Variants in TRABD2A observed in about 807,000 individuals in gnomAD.
TRABD2A encodes TraB domain containing 2A, also known as metalloprotease TIKI1.
Under a neutral mutation model 45.6 loss-of-function variants are expected in TRABD2A, and 43 were observed. The observed-to-expected ratio is 0.94, with a 90% CI of 0.74 to 1.22. The LOEUF (loss-of-function observed/expected upper bound fraction) is 1.22, where lower values mean the gene tolerates loss of function less well. TRABD2A is among the 50% of genes most tolerant of loss of function. The pLI is 0.00. For missense variants in TRABD2A, 642 were observed against 652.4 expected (o/e 0.98, Z 0.17); for synonymous variants, 269 against 265.0 (o/e 1.02, Z -0.15).
intron 2 of TRABD2A, among the ~76,000 whole-genome samples, chr2:84,864,821 C>T (rs1682622356): frequency 6.6e-6 from 1 of 152,214 alleles, no homozygotes; most frequent in Non-Finnish European, 1.5e-5. Flanking sequence ...TCTCCTTAGG[C>T]CTGGCAGGCC....
intron 2 of TRABD2A, among the ~76,000 whole-genome samples, chr2:84,859,411 T>C (rs1330776085): frequency 6.6e-6 from 1 of 152,168 alleles, no homozygotes; most frequent in Non-Finnish European, 1.5e-5. Flanking sequence ...AGATCCTTGC[T>C]CTCTAGAAGT....
chr2:84,873,233 T>A (rs1230095244), intron 1 of TRABD2A, among the ~76,000 whole-genome samples: 1 of 151,110 alleles, frequency 6.6e-6, no homozygotes, highest in African/African-American at 2.4e-5. Context: ...CTGTCCAACA[T>A]GATGAAACTC....
rs1266663734 is a variant in TRABD2A at position 84,831,923 on chromosome 2, A to G, written c.1082+132T>C. 4 of 850,788 alleles carry G rather than the reference A, an allele frequency of 4.7e-6. No individual in the cohort carries two copies. In the African/African-American group the frequency reaches 5.0e-5, roughly 11 times the overall value. The allele number at this position is 850,788 out of a possible 1,614,324, so 52.7% of individuals were successfully genotyped here. The stretch of plus-strand genomic sequence containing the variant: ...CTGAGCTGGTGCCAAATGTCCATGT[A>G]AGGTCAAGTGTGGGGGAAATGACGA... On this transcript the variant is annotated intron_variant, in intron 5 of 6. Transcript: ENST00000409520.
chr2:84,848,693 A>G (rs1681986976), intron 2 of TRABD2A, among the ~76,000 whole-genome samples: 1 of 151,798 alleles, frequency 6.6e-6, no homozygotes, highest in Non-Finnish European at 1.5e-5. Flanking sequence ...CTTGTGCCTC[A>G]GCCACCCGAG....
chr2:84,878,464 G>T (rs182560609), intron 1 of TRABD2A, among the ~76,000 whole-genome samples: 126 of 151,732 alleles, frequency 8.3e-4, no homozygotes, highest in African/African-American at 3.0e-3. Context: ...GGCAGAGGTT[G>T]CAGTGAGCCA....
intron 3 of TRABD2A, among the ~76,000 whole-genome samples, chr2:84,839,593 G>GCC (rs1488789816): frequency 9.9e-5 from 15 of 151,264 alleles, no homozygotes; most frequent in African/African-American, 3.2e-4. Context: ...TCTGTCTGAT[G>GCC]CCGTGTGTTT....
At chr2:84,843,089 C>G (rs372116085) in intron 2 of TRABD2A, among the ~76,000 whole-genome samples, 1 of 151,576 alleles carries the variant, frequency 6.6e-6, no homozygotes, top group Non-Finnish European at 1.5e-5. Flanking sequence ...CTGGCCACCC[C>G]CTACGAGGCT....
intron 1 of TRABD2A, among the ~76,000 whole-genome samples, chr2:84,876,650 C>A (rs1435014538): frequency 1.3e-5 from 2 of 152,172 alleles, no homozygotes; most frequent in Admixed American, 1.3e-4. Flanking sequence ...AGCTTTTAAA[C>A]GCCATATTTA....
chr2:84,858,575 G>A (rs1401526409), intron 2 of TRABD2A, among the ~76,000 whole-genome samples: 2 of 152,188 alleles, frequency 1.3e-5, no homozygotes, highest in Non-Finnish European at 2.9e-5. Context: ...GACTAAAACT[G>A]GGTTCATGAG....
At chr2:84,822,233 T>C in intron 6 of TRABD2A, 133 bp from the exon 7 acceptor site, 2 of 694,984 alleles carry the variant, frequency 2.9e-6, no homozygotes, top group Non-Finnish European at 4.4e-6. Context: ...AGTATATTAA[T>C]AGGCTTCCTA....
Position 84,872,853 on chromosome 2 carries a change from G to A in TRABD2A, c.109-2068C>T, listed in dbSNP as rs147262238. On this transcript the variant is annotated intron_variant, in intron 1 of 6. Coordinates refer to ENST00000409520, the MANE Select transcript of TRABD2A (RefSeq NM_001277053.2). ...TTATTGGCCAGGCATAGTAGCTCAC[G>A]CCTGTAATTCCAGCACTTCGGGAGG... Among the ~76,000 whole-genome samples, 1,263 of 152,242 alleles carry A rather than the reference G, an allele frequency of 8.3e-3. 14 individuals carry two copies. The highest frequency in any genetic ancestry group is 0.029 in the African/African-American group (1,211 of 41,534).
chr2:84,827,904 GA>G (rs1474890482), intron 5 of TRABD2A, among the ~76,000 whole-genome samples: 1 of 152,206 alleles, frequency 6.6e-6, no homozygotes. Flanking sequence ...AGACCCTCCA[GA>G]AGGGAATGCA....
At chr2:84,823,686 C>G (rs1408585063) in intron 6 of TRABD2A, among the ~76,000 whole-genome samples, 1 of 152,192 alleles carries the variant, frequency 6.6e-6, no homozygotes, top group Admixed American at 6.5e-5. Flanking sequence ...TTTCCAGATG[C>G]CTTCCACTTT....
At chr2:84,879,486 G>A in intron 1 of TRABD2A, 1 of 588,692 alleles carries the variant, frequency 1.7e-6, no homozygotes, top group Non-Finnish European at 2.1e-6. Context: ...GGGCTTCTTT[G>A]ATAATTTTTT....
At chr2:84,844,477 T>C (rs537466034) in intron 2 of TRABD2A, among the ~76,000 whole-genome samples, 25 of 152,218 alleles carry the variant, frequency 1.6e-4, no homozygotes, top group Non-Finnish European at 3.1e-4. Context: ...TTACCCAGTC[T>C]TGGGTATGTC....
chr2:84,868,684 A>G (rs1223920599), intron 2 of TRABD2A, among the ~76,000 whole-genome samples: 2 of 152,208 alleles, frequency 1.3e-5, no homozygotes, highest in Non-Finnish European at 2.9e-5. Flanking sequence ...AAAGAAAGAA[A>G]GGAAAAAAGA....
At chr2:84,829,639 T>C (rs1487344059) in intron 5 of TRABD2A, among the ~76,000 whole-genome samples, 1 of 130,150 alleles carries the variant, frequency 7.7e-6, no homozygotes, top group African/African-American at 3.0e-5. Context: ...ACCCCACACG[T>C]ACACAACACA....
chr2:84,821,837 G>C lies in TRABD2A; in HGVS notation c.*80C>G. 7.1e-7 allele frequency: 1 copy of C among 1,398,680 alleles called. No homozygotes were observed. The highest frequency in any genetic ancestry group is 1.7e-5 in the South Asian group (1 of 59,992). The allele number at this position is 1,398,680 out of a possible 1,614,324, so 86.6% of individuals were successfully genotyped here. On this transcript the variant is annotated 3_prime_UTR_variant, in exon 7 of 7. Transcript: ENST00000409520. ...TCTCTTCTGGATTGGGCCCAACAAG[G>C]CTAGACCAGAATGTGGAGTACAGGA...
At chr2:84,842,080 G>A in intron 2 of TRABD2A, 73 bp from the exon 3 acceptor site, 1 of 1,399,098 alleles carries the variant, frequency 7.1e-7, no homozygotes. Flanking sequence ...TTTGTCCATG[G>A]CTGGAAATAC....
Sources: gnomAD v4.1 joint callset for allele counts (sites outside exome capture counted in the v4.1 genomes callset) on GRCh38, gnomAD v4.1.1 for gene constraint, MANE v1.5 for transcripts, NCBI Gene and HGNC (gene_info 2026-07-23, HGNC 2026-07-21) for gene names.